EPB41L3: variants seen among roughly 807,000 people sequenced by gnomAD.
EPB41L3 encodes band 4.1-like protein 3.
EPB41L3 carries 57 observed loss-of-function variants against 127.1 expected under a neutral mutation model. The observed-to-expected ratio is 0.45, with a 90% CI of 0.36 to 0.56. EPB41L3 has a LOEUF of 0.56. Ranked by LOEUF, EPB41L3 falls within the 20% of genes least tolerant of loss-of-function variation. EPB41L3 has a pLI of 0.00. For missense variants in EPB41L3, 1,273 were observed against 1,372.2 expected, an observed-to-expected ratio of 0.93 and a Z score of 1.14; for synonymous variants, 572 against 549.5, an observed-to-expected ratio of 1.04 and a Z score of -0.57.
At chr18:5,594,503 G>A (rs925702271) in intron 3 of EPB41L3, among the ~76,000 whole-genome samples, 7 of 152,144 alleles carry the variant, frequency 4.6e-5, no homozygotes, top group South Asian at 4.1e-4. Context: ...AAAATAACAT[G>A]TAGTTTTCAT....
chr18:5,434,989 G>A (rs1050190255), intron 6 of EPB41L3, among the ~76,000 whole-genome samples: 1 of 152,130 alleles, frequency 6.6e-6, no homozygotes, highest in Non-Finnish European at 1.5e-5. Context: ...TGATACTGAT[G>A]ATCTTGACCC....
At chr18:5,417,776 A>G (rs1162768639) in intron 12 of EPB41L3, among the ~76,000 whole-genome samples, 4 of 152,230 alleles carry the variant, frequency 2.6e-5, no homozygotes, top group Admixed American at 2.6e-4. Flanking sequence ...GTCTTTTCCC[A>G]CACATTTGCA....
chr18:5,449,461 A>C (rs1479351703), intron 3 of EPB41L3, among the ~76,000 whole-genome samples: 1 of 147,830 alleles, frequency 6.8e-6, no homozygotes, highest in Non-Finnish European at 1.5e-5. Context: ...AGTATTCAAC[A>C]ATCATGCTCC....
intron 13 of EPB41L3, among the ~76,000 whole-genome samples, chr18:5,413,696 T>G (rs1315994036): frequency 6.6e-6 from 1 of 152,128 alleles, no homozygotes; most frequent in East Asian, 1.9e-4. Flanking sequence ...TCTTAACACT[T>G]CAAGAGACAA....
At chr18:5,503,582 T>C (rs754718286) in intron 1 of EPB41L3, among the ~76,000 whole-genome samples, 21 of 152,186 alleles carry the variant, frequency 1.4e-4, no homozygotes, top group Non-Finnish European at 3.1e-4. Flanking sequence ...AGCACACAGG[T>C]GATTCTTCCA....
At chr18:5,597,447 T>C (rs547638465) in intron 3 of EPB41L3, among the ~76,000 whole-genome samples, 2 of 152,298 alleles carry the variant, frequency 1.3e-5, no homozygotes, top group Admixed American at 6.5e-5. Flanking sequence ...GGTTTTACAA[T>C]GTATTTGTAA....
intron 16 of EPB41L3, among the ~76,000 whole-genome samples, chr18:5,401,615 T>C (rs1337112234): frequency 1.3e-5 from 2 of 152,126 alleles, no homozygotes; most frequent in African/African-American, 2.4e-5. Context: ...AAATACTCAA[T>C]GGCTTTATTT....
chr18:5,566,752 C>T (rs1369221261), intron 3 of EPB41L3, among the ~76,000 whole-genome samples: 4 of 137,788 alleles, frequency 2.9e-5, no homozygotes, highest in Non-Finnish European at 4.7e-5. Flanking sequence ...CTATTCTATT[C>T]TATTCTATTC....
chr18:5,419,658 T>C lies in EPB41L3; in HGVS notation c.1506+53A>G, dbSNP rs58115282. On this transcript the variant is annotated intron_variant, in intron 12 of 22. Transcript: ENST00000341928. ...CCTGGTTTACAGCCTCAGCATCATTTAGTCATTCTTAAAAGCTGGAGCAAG... is the reference window on the plus strand; with the variant it reads ...CCTGGTTTACAGCCTCAGCATCATTCAGTCATTCTTAAAAGCTGGAGCAAG... 0.011 allele frequency: 17,045 copies of C among 1,607,172 alleles called. 624 individuals carry two copies. The African/African-American group carries it at 0.11, about 11-fold the overall frequency.
At chr18:5,529,849 A>G (rs576750268) in intron 1 of EPB41L3, among the ~76,000 whole-genome samples, 14 of 152,192 alleles carry the variant, frequency 9.2e-5, no homozygotes, top group African/African-American at 2.7e-4. Context: ...GCTACTAGAC[A>G]TGGGTTCTGA....
intron 3 of EPB41L3, among the ~76,000 whole-genome samples, chr18:5,601,136 C>T (rs1402711452): frequency 6.6e-6 from 1 of 152,006 alleles, no homozygotes; most frequent in Non-Finnish European, 1.5e-5. Flanking sequence ...CATTTGAAGA[C>T]GTTGGGAGGG....
At chr18:5,474,834 G>A (rs185281406) in intron 3 of EPB41L3, among the ~76,000 whole-genome samples, 5 of 152,270 alleles carry the variant, frequency 3.3e-5, no homozygotes, top group Admixed American at 3.3e-4. Context: ...GATATGGTCT[G>A]AGGCAGCATC....
At chr18:5,455,720 T>C (rs1458273437) in intron 3 of EPB41L3, among the ~76,000 whole-genome samples, 3 of 151,216 alleles carry the variant, frequency 2.0e-5, no homozygotes, top group African/African-American at 4.9e-5. Context: ...TGGTAGATGA[T>C]GGCTTTCCAG....
chr18:5,421,589 T>A (rs2077478720), intron 11 of EPB41L3, among the ~76,000 whole-genome samples: 1 of 152,184 alleles, frequency 6.6e-6, no homozygotes, highest in South Asian at 2.1e-4. Flanking sequence ...GTAAGAATAA[T>A]TATGAATATA....
At chr18:5,414,561 CCT>C (rs1349848092) in intron 13 of EPB41L3, among the ~76,000 whole-genome samples, 1 of 152,132 alleles carries the variant, frequency 6.6e-6, no homozygotes, top group Non-Finnish European at 1.5e-5. Context: ...GACTTTCTTT[CCT>C]TTTTTAGCAT....
intron 3 of EPB41L3, chr18:5,467,263 T>G (rs1455962811): frequency 6.6e-6 from 1 of 152,230 alleles, no homozygotes; most frequent in Non-Finnish European, 1.5e-5. Context: ...CTTCGAAGCT[T>G]TATTCTTTAC....
chr18:5,464,689 A>G (rs1459977171), intron 3 of EPB41L3, among the ~76,000 whole-genome samples: 1 of 152,206 alleles, frequency 6.6e-6, no homozygotes, highest in Admixed American at 6.5e-5. Context: ...TATACTTGCT[A>G]TGGAAGGGCA....
chr18:5,581,550 C>G (rs1254779915), intron 3 of EPB41L3, among the ~76,000 whole-genome samples: 4 of 152,074 alleles, frequency 2.6e-5, no homozygotes, highest in Non-Finnish European at 5.9e-5. Context: ...TCTCTAAACC[C>G]TTAATATCTC....
intron 1 of EPB41L3, among the ~76,000 whole-genome samples, chr18:5,541,676 T>A (rs1476443719): frequency 1.3e-5 from 2 of 152,218 alleles, no homozygotes; most frequent in Non-Finnish European, 1.5e-5. Flanking sequence ...CACAAAGTTG[T>A]CCAAAGTCCA....
Sources: gnomAD v4.1 joint callset for allele counts (sites outside exome capture counted in the v4.1 genomes callset) on GRCh38, gnomAD v4.1.1 for gene constraint, MANE v1.5 for transcripts, NCBI Gene and HGNC (gene_info 2026-07-23, HGNC 2026-07-21) for gene names.